The following STK31 variants were observed in gnomAD, a reference collection of about 807,000 sequenced individuals.
STK31 encodes the protein serine/threonine-protein kinase 31.
In STK31, 89 loss-of-function variants were observed where a neutral mutation model predicts 129.7. The ratio of observed to expected loss-of-function variants is 0.69; its 90% confidence interval spans 0.58 to 0.82. The LOEUF (loss-of-function observed/expected upper bound fraction) is 0.82. Among genes scored for constraint, STK31 ranks in the 40% least tolerant of loss-of-function variants. The pLI is 0.00. For missense variants in STK31, 1,187 were observed against 1,176.4 expected, an observed-to-expected ratio of 1.01 and a Z score of -0.13; for synonymous variants, 448 against 395.3, an observed-to-expected ratio of 1.13 and a Z score of -1.58.
chr7:23,815,353 G>T, intron 23 of STK31, 141 bp downstream of exon 23: 1 of 570,296 alleles, frequency 1.8e-6, no homozygotes, highest in Non-Finnish European at 3.0e-6. Context: ...AAAAATTCAG[G>T]TGCCCTACTT....
chr7:23,739,569 A>G (rs1026796761), intron 8 of STK31, among the ~76,000 whole-genome samples: 1 of 152,120 alleles, frequency 6.6e-6, no homozygotes, highest in African/African-American at 2.4e-5. Context: ...CCTGAATGGT[A>G]TTGCCTAGGT....
intron 22 of STK31, among the ~76,000 whole-genome samples, chr7:23,809,948 A>G (rs1478371789): frequency 6.6e-5 from 10 of 152,178 alleles, no homozygotes; most frequent in Non-Finnish European, 1.3e-4. Context: ...CTGAGAATAT[A>G]TTCCTGTTAT....
chr7:23,785,452 T>C (rs747129861), intron 17 of STK31, 26 bp from the exon 18 acceptor site: 7 of 1,609,012 alleles, frequency 4.4e-6, no homozygotes, highest in African/African-American at 2.7e-5. Context: ...TTGGATTCTT[T>C]AACTGTGATA....
intron 3 of STK31, among the ~76,000 whole-genome samples, chr7:23,713,183 A>C (rs1209802219): frequency 1.3e-5 from 2 of 152,202 alleles, no homozygotes; most frequent in South Asian, 2.1e-4. Flanking sequence ...TACCTAGGCC[A>C]TGTGGTGTAC....
intron 11 of STK31, among the ~76,000 whole-genome samples, chr7:23,768,403 G>C (rs1279322685): frequency 1.3e-5 from 2 of 152,176 alleles, no homozygotes; most frequent in Admixed American, 1.3e-4. Context: ...AGTGATGCAT[G>C]ATTGTCCATA....
intron 13 of STK31, among the ~76,000 whole-genome samples, chr7:23,770,021 T>C (rs1163018617): frequency 6.6e-6 from 1 of 152,156 alleles, no homozygotes; most frequent in South Asian, 2.1e-4. Flanking sequence ...AGAAAACTGC[T>C]CTTAATTTGA....
chr7:23,769,933 A>G (rs1250426257), intron 13 of STK31, among the ~76,000 whole-genome samples, 177 bp downstream of exon 13: 2 of 152,154 alleles, frequency 1.3e-5, no homozygotes, highest in Admixed American at 1.3e-4. Flanking sequence ...TCTAATCCAG[A>G]CACCATGCAA....
At position 23,735,523 on chromosome 7, in the gene STK31, TTTC is replaced by T. The variant is rs1158171539; in HGVS notation, c.484-9_484-7del. Reference sequence around the variant, plus strand: ...ACATGTTGGTGTAGCTGGTTTATGTTTTCTTCTTTCTTAGGGCACAACCTTTTT... The same window carrying T: ...ACATGTTGGTGTAGCTGGTTTATGTTTTCTTTCTTAGGGCACAACCTTTTT... On this transcript the variant is annotated splice_polypyrimidine_tract_variant and intron_variant, in intron 6 of 23. Transcript: ENST00000355870. 1.3e-6 allele frequency: 2 copies of T among 1,562,236 alleles called. No homozygotes were observed. The highest frequency in any genetic ancestry group is 2.0e-5 in the Admixed American group (1 of 50,866).
intron 8 of STK31, 41 bp from the exon 9 acceptor site, chr7:23,752,676 C>T (rs1024048397): frequency 7.2e-7 from 1 of 1,395,690 alleles, no homozygotes; most frequent in African/African-American, 1.4e-5. Context: ...ATACAGTTTC[C>T]TATTTGGGTC....
intron 8 of STK31, among the ~76,000 whole-genome samples, chr7:23,751,962 G>C (rs1284638401): frequency 6.6e-6 from 1 of 151,452 alleles, no homozygotes; most frequent in Non-Finnish European, 1.5e-5. Context: ...GTTTCTGGGG[G>C]CTTGGGGGAG....
At position 23,809,112 on chromosome 7, in the gene STK31, T is replaced by C. The variant is rs117784877; in HGVS notation, c.2761-6032T>C. Among the ~76,000 whole-genome samples, 73 of 152,100 alleles carry C rather than the reference T, an allele frequency of 4.8e-4. No homozygotes were observed. In the East Asian group the frequency reaches 0.011, roughly 23 times the overall value. On this transcript the variant is annotated intron_variant, in intron 22 of 23. Transcript: ENST00000355870. ...GTCCTAGCTACTTCACCTTCTTCTT[T>C]CCATCTTTTAGGGTTTTCCTGTGTT... is the stretch of plus-strand genomic sequence containing the variant.
chr7:23,713,210 T>C (rs1335945492), intron 3 of STK31, among the ~76,000 whole-genome samples: 1 of 152,208 alleles, frequency 6.6e-6, no homozygotes, highest in Admixed American at 6.5e-5. Context: ...CTCATGTTAC[T>C]GTACTGAATG....
At chr7:23,725,277 G>A (rs538166251) in intron 4 of STK31, among the ~76,000 whole-genome samples, 7 of 140,416 alleles carry the variant, frequency 5.0e-5, no homozygotes, top group Middle Eastern at 4.0e-3. Context: ...GCTCATGCCC[G>A]TAATCCCAGC....
intron 4 of STK31, among the ~76,000 whole-genome samples, chr7:23,726,806 G>A (rs556710409): frequency 4.6e-5 from 7 of 152,100 alleles, no homozygotes; most frequent in South Asian, 2.1e-4. Flanking sequence ...TTCTTGCTTG[G>A]TAGGAAATAT....
chr7:23,714,174 G>A (rs961162815), intron 3 of STK31, among the ~76,000 whole-genome samples: 3 of 152,032 alleles, frequency 2.0e-5, no homozygotes, highest in African/African-American at 7.2e-5. Context: ...ATTGTAGAAG[G>A]GTGATGTTAT....
At chr7:23,769,837 T>C in intron 13 of STK31, 81 bp downstream of exon 13, 1 of 889,328 alleles carries the variant, frequency 1.1e-6, no homozygotes, top group East Asian at 2.5e-5. Context: ...TAACCAATAA[T>C]AGAGTTTTTC....
At chr7:23,759,742 A>G (rs2128097890) in intron 10 of STK31, among the ~76,000 whole-genome samples, 1 of 152,338 alleles carries the variant, frequency 6.6e-6, no homozygotes, top group East Asian at 1.9e-4. Flanking sequence ...TATTTATGGT[A>G]AGTATAACTT....
chr7:23,786,512 A>C lies in STK31; in HGVS notation c.2279A>C (p.Tyr760Ser), dbSNP rs145387444. 41 of 1,612,900 alleles carry C rather than the reference A, an allele frequency of 2.5e-5. No homozygotes were observed. The African/African-American group carries it at 5.3e-4, about 21-fold the overall frequency. Reference protein sequence around the residue: ...VNGQIILLKGYSVDVDTEAKV... With the variant: ...VNGQIILLKGSSVDVDTEAKV... ...TGCCTCTTTCTTTGGTACAAGGGCT[A>C]TTCTGTGGATGTTGACACAGAAGCC... The change falls in exon 19 of 24, where the codon TAT (tyrosine) becomes TCT (serine). Residue 760 changes from tyrosine to serine, a missense_variant. Tyr to Ser is a moderately radical substitution (Grantham distance 144, BLOSUM62 -2). Transcript: ENST00000355870.
chr7:23,813,583 A>C (rs1402600991), intron 22 of STK31, among the ~76,000 whole-genome samples: 2 of 152,216 alleles, frequency 1.3e-5, no homozygotes, highest in East Asian at 3.9e-4. Context: ...TTTTAACGAC[A>C]ATCTAATTTT....
Sources: gnomAD v4.1 joint callset for allele counts (sites outside exome capture counted in the v4.1 genomes callset) on GRCh38, gnomAD v4.1.1 for gene constraint, MANE v1.5 for transcripts, NCBI Gene and HGNC (gene_info 2026-07-23, HGNC 2026-07-21) for gene names.